The following DNAJC11 variants were observed in gnomAD, a reference collection of about 807,000 sequenced individuals.
DNAJC11 encodes DnaJ heat shock protein family (Hsp40) member C11, also known as dnaJ homolog subfamily C member 11.
DNAJC11 carries 15 observed loss-of-function variants against 78.6 expected under a neutral mutation model. That is an observed-to-expected ratio of 0.19 (90% confidence interval 0.13 to 0.29). The LOEUF (loss-of-function observed/expected upper bound fraction) is 0.29, where lower values mean the gene tolerates loss of function less well. Ranked by LOEUF, DNAJC11 falls within the 10% of genes least tolerant of loss-of-function variation. DNAJC11 has a pLI of 1.00. For synonymous variants in DNAJC11, 292 were observed against 272.1 expected (o/e 1.07, Z -0.72); for missense variants, 547 against 709.6 (o/e 0.77, Z 2.60).
intron 11 of DNAJC11, among the ~76,000 whole-genome samples, chr1:6,639,278 G>A (rs76218565): frequency 0.012 from 1,788 of 151,926 alleles, 36 homozygotes; most frequent in African/African-American, 0.041. Flanking sequence ...GCTGGGAAAG[G>A]AGAAAGGAAA....
intron 4 of DNAJC11, among the ~76,000 whole-genome samples, chr1:6,656,932 T>A (rs1231851203): frequency 2.0e-5 from 3 of 151,856 alleles, no homozygotes; most frequent in African/African-American, 7.3e-5. Context: ...AAATATAACT[T>A]GCTAAATATA....
rs536575127 is a variant in DNAJC11 at position 6,690,410 on chromosome 1, G to A, written c.73-9373C>T. Among the ~76,000 whole-genome samples the A allele has an allele frequency of 2.6e-5, 4 of 152,270 alleles. No homozygotes were observed. The South Asian group carries it at 8.3e-4, about 32-fold the overall frequency. On this transcript the variant is annotated intron_variant, in intron 1 of 15. Coordinates refer to ENST00000377577, the MANE Select transcript of DNAJC11 (RefSeq NM_018198.4). ...GACAGTAAAACTGTCTGGATTTTCTGGATGAACGGGCTCAGACAGGTTAGG... is the reference window on the plus strand; with the variant it reads ...GACAGTAAAACTGTCTGGATTTTCTAGATGAACGGGCTCAGACAGGTTAGG...
intron 7 of DNAJC11, among the ~76,000 whole-genome samples, chr1:6,649,533 G>A (rs987454209): frequency 3.9e-5 from 6 of 152,052 alleles, no homozygotes; most frequent in Admixed American, 1.3e-4. Context: ...CTCCTGTTTC[G>A]CAGGCTCTCT....
intron 7 of DNAJC11, among the ~76,000 whole-genome samples, chr1:6,647,080 C>CTTTTTT (rs70981396): frequency 3.2e-5 from 3 of 95,034 alleles, no homozygotes; most frequent in African/African-American, 3.9e-5. Flanking sequence ...CTGGACAGGT[C>CTTTTTT]TTTTTTTTTT....
At chr1:6,679,346 T>C (rs1407233768) in intron 2 of DNAJC11, among the ~76,000 whole-genome samples, 5 of 152,226 alleles carry the variant, frequency 3.3e-5, no homozygotes, top group Non-Finnish European at 7.3e-5. Context: ...TCTCTTATCA[T>C]GTTGTTGGCC....
chr1:6,642,629 C>T (rs1436037262), intron 10 of DNAJC11, among the ~76,000 whole-genome samples: 1 of 152,050 alleles, frequency 6.6e-6, no homozygotes, highest in African/African-American at 2.4e-5. Context: ...TACTTGAAGC[C>T]AGGAGTTCAA....
chr1:6,664,983 C>A (rs1642272981), intron 4 of DNAJC11, among the ~76,000 whole-genome samples: 1 of 152,210 alleles, frequency 6.6e-6, no homozygotes, highest in Admixed American at 6.5e-5. Context: ...CAATATCACG[C>A]ACGGGATACA....
chr1:6,638,630 A>G (rs1641824067), intron 11 of DNAJC11, among the ~76,000 whole-genome samples: 1 of 152,220 alleles, frequency 6.6e-6, no homozygotes. Context: ...CTTTGGAAAG[A>G]AGACCCCACC....
chr1:6,638,635 C>G (rs1425730036), intron 11 of DNAJC11, among the ~76,000 whole-genome samples: 1 of 152,152 alleles, frequency 6.6e-6, no homozygotes, highest in African/African-American at 2.4e-5. Context: ...GAAAGAAGAC[C>G]CCACCACAGG....
chr1:6,660,531 A>C (rs1412960339), intron 4 of DNAJC11, among the ~76,000 whole-genome samples: 1 of 152,098 alleles, frequency 6.6e-6, no homozygotes, highest in Admixed American at 6.6e-5. Context: ...TCATGGCAGG[A>C]TTAGGTTGTC....
In DNAJC11 at chr1:6,637,122, TTA is replaced by T. The variant is rs1641791645; in HGVS notation, c.1524+74_1524+75del. The T allele has an allele frequency of 3.2e-6, 5 of 1,581,858 alleles. No homozygotes were observed. The South Asian group carries it at 5.7e-5, about 18-fold the overall frequency. ...ACCTTGGCCTTCCAAAGTGCTAGGA[TTA>T]TAGGCCTGAGTCACCGCGCCCAGCC... On this transcript the variant is annotated intron_variant, in intron 14 of 15. Transcript: ENST00000377577.
Position 6,653,825 on chromosome 1 carries a change from G to A in DNAJC11, c.507+86C>T, listed in dbSNP as rs1006043658. 4.6e-6 allele frequency: 7 copies of A among 1,519,404 alleles called. No individual in the cohort carries two copies. The South Asian group carries it at 5.9e-5, about 13-fold the overall frequency. 94.1% of individuals were successfully genotyped at this position (1,519,404 alleles called of 1,614,324 possible). A position where few individuals can be genotyped will look rare whatever the true frequency, so the allele number is the denominator to read the frequency against. On this transcript the variant is annotated intron_variant, in intron 5 of 15. Transcript: ENST00000377577. The surrounding 1 kb of genome is among the most constrained non-coding windows in gnomAD (Gnocchi z 4.5). ...TAAATAAAGATGAGAAAAACCCTGG[G>A]CAGACTCTCATTCCAGCTGCTTGGT...
chr1:6,683,797 T>G (rs536265906), intron 1 of DNAJC11, among the ~76,000 whole-genome samples: 1 of 152,326 alleles, frequency 6.6e-6, no homozygotes, highest in South Asian at 2.1e-4. Flanking sequence ...ATGACCACTT[T>G]TCTGCATGTA....
At chr1:6,667,035 A>C (rs1642304167) in intron 4 of DNAJC11, among the ~76,000 whole-genome samples, 1 of 152,218 alleles carries the variant, frequency 6.6e-6, no homozygotes, top group Non-Finnish European at 1.5e-5. Context: ...ACACGTGCAG[A>C]ACAACCTCCC....
intron 4 of DNAJC11, among the ~76,000 whole-genome samples, chr1:6,663,148 G>A (rs906250004): frequency 1.3e-5 from 2 of 152,192 alleles, no homozygotes; most frequent in Admixed American, 6.5e-5. Flanking sequence ...TTCTAGATCA[G>A]AGAGGTCTTG....
intron 3 of DNAJC11, among the ~76,000 whole-genome samples, chr1:6,674,678 C>T (rs967187233): frequency 1.4e-4 from 21 of 151,562 alleles, no homozygotes; most frequent in Admixed American, 1.4e-3. Flanking sequence ...CAGTAAGCCA[C>T]GATCGTGCCA....
chr1:6,694,606 G>T (rs1332366276), intron 1 of DNAJC11, among the ~76,000 whole-genome samples: 1 of 151,916 alleles, frequency 6.6e-6, no homozygotes, highest in East Asian at 1.9e-4. Context: ...CTGCTTTTCG[G>T]CTGCACCTCC....
At chr1:6,671,795 G>A (rs1642384706) in intron 3 of DNAJC11, among the ~76,000 whole-genome samples, 1 of 152,160 alleles carries the variant, frequency 6.6e-6, no homozygotes, top group African/African-American at 2.4e-5. Context: ...GCCTCCCAAA[G>A]TGGCGTGAGC....
chr1:6,664,325 T>C (rs1642263817), intron 4 of DNAJC11, among the ~76,000 whole-genome samples: 1 of 151,812 alleles, frequency 6.6e-6, no homozygotes, highest in African/African-American at 2.4e-5. Context: ...CTGCAAGCTC[T>C]GCCTCCTGGG....
Sources: gnomAD v4.1 joint callset for allele counts (sites outside exome capture counted in the v4.1 genomes callset) on GRCh38, gnomAD v4.1.1 for gene constraint, Gnocchi (gnomAD v3.1) non-coding constraint, MANE v1.5 for transcripts, NCBI Gene and HGNC (gene_info 2026-07-23, HGNC 2026-07-21) for gene names.